The following PTPRG variants were observed in gnomAD, a reference collection of about 807,000 sequenced individuals.
The protein encoded by PTPRG is protein tyrosine phosphatase receptor type G.
PTPRG carries 102 observed loss-of-function variants against 165.3 expected under a neutral mutation model. That is an observed-to-expected ratio of 0.62 (90% CI 0.53 to 0.73). The LOEUF is 0.73. Among genes scored for constraint, PTPRG ranks in the 30% least tolerant of loss-of-function variants. PTPRG has a pLI of 0.00. For synonymous variants in PTPRG, 675 were observed against 669.5 expected, an observed-to-expected ratio of 1.01 and a Z score of -0.13; for missense variants, 1,866 against 1,861.4, an observed-to-expected ratio of 1.00 and a Z score of -0.05.
chr3:62,108,271 A>G (rs1458395537), intron 5 of PTPRG, among the ~76,000 whole-genome samples: 1 of 143,552 alleles, frequency 7.0e-6, no homozygotes, highest in African/African-American at 2.6e-5. Context: ...TTCAGCTCCC[A>G]CTTATGAGTG....
At chr3:61,938,464 A>C (rs2039534000) in intron 2 of PTPRG, among the ~76,000 whole-genome samples, 1 of 152,168 alleles carries the variant, frequency 6.6e-6, no homozygotes, top group Non-Finnish European at 1.5e-5. Context: ...TTATGAATCA[A>C]ATTCAATTTT....
At chr3:61,634,589 A>C (rs1362243099) in intron 1 of PTPRG, among the ~76,000 whole-genome samples, 2 of 151,862 alleles carry the variant, frequency 1.3e-5, no homozygotes, top group Non-Finnish European at 2.9e-5. Flanking sequence ...GATTTTATCA[A>C]ATGCTTTTTC....
At chr3:61,844,058 G>A (rs1249546317) in intron 2 of PTPRG, among the ~76,000 whole-genome samples, 1 of 151,000 alleles carries the variant, frequency 6.6e-6, no homozygotes, top group African/African-American at 2.4e-5. Context: ...CCGCCTCCCG[G>A]TTTCAAGCGA....
intron 4 of PTPRG, among the ~76,000 whole-genome samples, chr3:62,048,560 A>G (rs1384709795): frequency 2.6e-5 from 4 of 152,242 alleles, no homozygotes; most frequent in Admixed American, 2.6e-4. Flanking sequence ...GTTATCCACC[A>G]GAAGGGCAAC....
At position 61,856,973 on chromosome 3, in the gene PTPRG, A is replaced by G. The variant is rs554176430; in HGVS notation, c.190+107991A>G. 6.6e-5 allele frequency among the ~76,000 whole-genome samples: 10 copies of G among 152,030 alleles called. 1 individual carries two copies. In the South Asian group the frequency reaches 2.1e-3, roughly 32 times the overall value. On this transcript the variant is annotated intron_variant, in intron 2 of 29. Coordinates refer to ENST00000474889, the MANE Select transcript of PTPRG (RefSeq NM_002841.4). ...TGATGACTTTCAAGTCTTCTACTGCATTTTCTCTACATGAGGCTCCTTTAT... is the reference window on the plus strand; with the variant it reads ...TGATGACTTTCAAGTCTTCTACTGCGTTTTCTCTACATGAGGCTCCTTTAT...
intron 1 of PTPRG, among the ~76,000 whole-genome samples, chr3:61,743,869 T>G (rs1428016249): frequency 6.6e-6 from 1 of 152,222 alleles, no homozygotes; most frequent in Non-Finnish European, 1.5e-5. Context: ...AATTGTGTAA[T>G]TAAGTTGCTG....
At chr3:61,855,034 C>A (rs1227000602) in intron 2 of PTPRG, among the ~76,000 whole-genome samples, 1 of 152,080 alleles carries the variant, frequency 6.6e-6, no homozygotes, top group African/African-American at 2.4e-5. Context: ...GATTTAATTT[C>A]TTCTTATTTT....
chr3:61,964,181 T>C (rs2040217183), intron 2 of PTPRG, among the ~76,000 whole-genome samples: 1 of 152,234 alleles, frequency 6.6e-6, no homozygotes, highest in African/African-American at 2.4e-5. Context: ...AACATAGAAC[T>C]AAGTTGATGG....
intron 2 of PTPRG, among the ~76,000 whole-genome samples, chr3:61,877,827 T>C (rs968177071): frequency 1.4e-4 from 21 of 152,350 alleles, no homozygotes; most frequent in South Asian, 1.0e-3. Flanking sequence ...GTGGAATATA[T>C]TGGGTTAGCG....
intron 2 of PTPRG, among the ~76,000 whole-genome samples, chr3:61,919,912 C>A (rs1322018037): frequency 1.3e-5 from 2 of 152,184 alleles, no homozygotes; most frequent in African/African-American, 4.8e-5. Flanking sequence ...AAAGCAGTCA[C>A]TAGTAGCTGC....
chr3:62,175,066 C>T (rs560479085), intron 8 of PTPRG, among the ~76,000 whole-genome samples: 1 of 152,252 alleles, frequency 6.6e-6, no homozygotes, highest in East Asian at 1.9e-4. Context: ...AAGGTCCTGC[C>T]ATATTATATC....
chr3:62,042,967 C>G (rs758544275), intron 4 of PTPRG, among the ~76,000 whole-genome samples: 2 of 152,142 alleles, frequency 1.3e-5, no homozygotes, highest in Non-Finnish European at 1.5e-5. Context: ...CTTTTACTTA[C>G]GTACAATTAA....
chr3:62,204,725 G>A (rs1700184054), intron 12 of PTPRG, among the ~76,000 whole-genome samples: 2 of 152,110 alleles, frequency 1.3e-5, no homozygotes, highest in African/African-American at 2.4e-5. Context: ...CAAGAAATAC[G>A]GCCCTCTCTC....
chr3:62,009,300 C>G (rs1559743999), intron 4 of PTPRG, among the ~76,000 whole-genome samples: 1 of 152,172 alleles, frequency 6.6e-6, no homozygotes, highest in East Asian at 1.9e-4. Context: ...CCCAGTACTT[C>G]TCTCTTCCTC....
intron 5 of PTPRG, among the ~76,000 whole-genome samples, chr3:62,095,648 A>G (rs757883235): frequency 3.3e-5 from 5 of 152,184 alleles, no homozygotes; most frequent in Non-Finnish European, 7.3e-5. Flanking sequence ...ATAGAAGTTT[A>G]TCATGTAAAT....
intron 4 of PTPRG, among the ~76,000 whole-genome samples, chr3:62,042,134 A>T (rs1575927588): frequency 6.6e-6 from 1 of 152,160 alleles, no homozygotes; most frequent in East Asian, 1.9e-4. Context: ...CTGGCACGCC[A>T]GTTGCTTCTG....
intron 5 of PTPRG, among the ~76,000 whole-genome samples, chr3:62,095,454 G>A (rs1194559977): frequency 6.6e-6 from 1 of 152,186 alleles, no homozygotes; most frequent in South Asian, 2.1e-4. Flanking sequence ...AAAGAAGAGT[G>A]TTACTGTCTC....
At chr3:61,894,466 G>C (rs2038298406) in intron 2 of PTPRG, among the ~76,000 whole-genome samples, 1 of 152,106 alleles carries the variant, frequency 6.6e-6, no homozygotes, top group South Asian at 2.1e-4. Context: ...AAATTGGAAA[G>C]AGTTCATTAG....
At chr3:62,260,266 T>C (rs1576187830) in intron 16 of PTPRG, among the ~76,000 whole-genome samples, 1 of 152,230 alleles carries the variant, frequency 6.6e-6, no homozygotes, top group Admixed American at 6.5e-5. Context: ...AAATAATTTA[T>C]TCTCAGCTAC....
Sources: allele counts gnomAD v4.1 joint callset (sites outside exome capture counted in the v4.1 genomes callset), GRCh38; gene constraint gnomAD v4.1.1; transcripts MANE v1.5; gene names NCBI Gene and HGNC (gene_info 2026-07-23, HGNC 2026-07-21).